ZIC2: variants seen among roughly 807,000 people sequenced by gnomAD.
The protein encoded by ZIC2 is zinc finger protein ZIC 2.
In ZIC2, 7 loss-of-function variants were observed where a neutral mutation model predicts 29.5. The observed-to-expected ratio is 0.24, with a 90% CI of 0.14 to 0.45. ZIC2 has a LOEUF of 0.45. Ranked by LOEUF, ZIC2 falls within the 20% of genes least tolerant of loss-of-function variation. The pLI, the probability that ZIC2 is intolerant of heterozygous loss-of-function variation, is 1.00. For synonymous variants in ZIC2, 408 were observed against 354.2 expected (o/e 1.15, Z -1.70); for missense variants, 589 against 781.2 (o/e 0.75, Z 2.93).
In ZIC2 at chr13:99,982,015, G is replaced by T. The variant is rs958357772; in HGVS notation, c.-50G>T. 1.6e-6 allele frequency: 2 copies of T among 1,213,594 alleles called. No individual in the cohort carries two copies. The highest frequency in any genetic ancestry group is 2.0e-6 in the Non-Finnish European group (2 of 977,824). 75.2% of individuals were successfully genotyped at this position (1,213,594 alleles called of 1,614,324 possible). On this transcript the variant is annotated 5_prime_UTR_variant, in exon 1 of 3. Transcript: ENST00000376335. The stretch of plus-strand genomic sequence containing the variant: ...ACCGCGCGGATCGGGAGCGGGAGTC[G>T]AGGCGGCGCGGAGGCGCAGGGCTCG...
In ZIC2 at chr13:99,985,612, C is replaced by T; in HGVS notation, c.1529C>T (p.Ser510Phe). Residue 510 changes from serine to phenylalanine, a missense_variant, in exon 3 of 3, where the codon TCT becomes TTT. Physicochemically the swap from Ser to Phe is radical, Grantham distance 155. Around this residue, in one of 7 missense-constraint regions of ZIC2, gnomAD observed 135 missense variants for 136.7 expected, o/e 0.99. Coordinates refer to ENST00000376335, the MANE Select transcript of ZIC2 (RefSeq NM_007129.5). The surrounding 1 kb of genome is among the most constrained non-coding windows in gnomAD (Gnocchi z 6.3). ...GGAGGGGGGS[S>F]GGGSGTAGGH... ...GCGGGCGGCGGGGGCGGCGGCAGCT[C>T]TGGCGGGGGCAGCGGGACAGCCGGG... is the stretch of plus-strand genomic sequence containing the variant. The T allele has an allele frequency of 1.8e-6, 2 of 1,102,478 alleles. No homozygotes were observed. Among genetic ancestry groups the T allele is most frequent in the Non-Finnish European group, 2.2e-6 (2 of 892,974 alleles). The allele number at this position is 1,102,478 out of a possible 1,614,324, so 68.3% of individuals were successfully genotyped here.
In ZIC2 at chr13:99,985,333, C is replaced by T. The variant is rs1387489409; in HGVS notation, c.1250C>T (p.Ser417Phe). 3.8e-6 allele frequency: 6 copies of T among 1,598,236 alleles called. No individual in the cohort carries two copies. Among genetic ancestry groups the T allele is most frequent in the Non-Finnish European group, 5.1e-6 (6 of 1,179,398 alleles). Reference protein sequence around the residue: ...SLRKHMKVHESSPQGSESSPA... With the variant: ...SLRKHMKVHEFSPQGSESSPA... Reference sequence around the variant, plus strand: ...GCTTTTGTCTTGCAGGTCCATGAGTCCTCCCCGCAGGGCTCTGAATCCTCC... The same window carrying T: ...GCTTTTGTCTTGCAGGTCCATGAGTTCTCCCCGCAGGGCTCTGAATCCTCC... The change falls in exon 3 of 3, where the codon TCC becomes TTC. Residue 417 changes from serine to phenylalanine, a missense_variant. Coordinates refer to ENST00000376335, the MANE Select transcript of ZIC2 (RefSeq NM_007129.5). This position sits in a 1 kb window ranked among gnomAD's most constrained non-coding sequence, Gnocchi z 6.3.
chr13:99,985,454 G>A lies in ZIC2; in HGVS notation c.1371G>A (p.Ala457=), dbSNP rs777660719. The A allele has an allele frequency of 1.4e-5, 19 of 1,387,778 alleles. No homozygotes were observed. Among genetic ancestry groups the A allele is most frequent in the South Asian group, 3.8e-5 (2 of 52,302 alleles). The allele number at this position is 1,387,778 out of a possible 1,614,324, so 86.0% of individuals were successfully genotyped here. Residue 457 remains alanine, a synonymous_variant, in exon 3 of 3, where the codon GCG becomes GCA. Coordinates refer to ENST00000376335, the MANE Select transcript of ZIC2 (RefSeq NM_007129.5). This position sits in a 1 kb window ranked among gnomAD's most constrained non-coding sequence, Gnocchi z 6.3. ...GCAGCTCCAACCTGTCCCCAGCGGC[G>A]GCGGCAGCGGCGGCGGCGGCTGCGG... The part of the protein sequence containing the change: ...PQSSSNLSPA[A]AAAAAAAAAA...
At chr13:99,984,621 CG>C (rs2053253895) in intron 1 of ZIC2, 1 of 389,166 alleles carries the variant, frequency 2.6e-6, no homozygotes, top group African/African-American at 2.1e-5. Flanking sequence ...TTCTCCGTGG[CG>C]AGAGCAACTT....
At position 99,982,395 on chromosome 13, in the gene ZIC2, C is replaced by T; in HGVS notation, c.331C>T (p.Pro111Ser). The change falls in exon 1 of 3, where the codon CCG becomes TCG. Residue 111 changes from proline to serine, a missense_variant. Around this residue, in one of 7 missense-constraint regions of ZIC2, gnomAD observed 358 missense variants for 382.0 expected, o/e 0.94. Coordinates refer to ENST00000376335, the MANE Select transcript of ZIC2 (RefSeq NM_007129.5). ...HAAHVGSYSG[P>S]PFNSTRDFLF... ...CGCGCACGTTGGCTCCTACTCTGGG[C>T]CGCCCTTCAACTCCACCCGGGACTT... The T allele has an allele frequency of 6.8e-7, 1 of 1,479,192 alleles. No individual in the cohort carries two copies. Among genetic ancestry groups the T allele is most frequent in the Non-Finnish European group, 8.9e-7 (1 of 1,117,968 alleles). 91.6% of individuals were successfully genotyped at this position (1,479,192 alleles called of 1,614,324 possible).
Position 99,982,346 on chromosome 13 carries a change from G to GGCA in ZIC2, c.284_285insAGC (p.Ala97dup). On this transcript the variant is annotated inframe_insertion, in exon 1 of 3. Transcript: ENST00000376335. ...CCGGCTCCGCTGCGGCTGCCGCTGC[G>GGCA]GCCGCAGCGCTCGGGCCCCACGCCG... The GGCA allele has an allele frequency of 6.8e-7, 1 of 1,466,158 alleles. No homozygotes were observed. Among genetic ancestry groups the GGCA allele is most frequent in the Non-Finnish European group, 9.0e-7 (1 of 1,111,574 alleles). 90.8% of individuals were successfully genotyped at this position (1,466,158 alleles called of 1,614,324 possible).
chr13:99,981,829 G>T lies in ZIC2; in HGVS notation c.-236G>T, dbSNP rs2053233968. 1.3e-6 allele frequency: 1 copy of T among 766,966 alleles called. No homozygotes were observed. The highest frequency in any genetic ancestry group is 1.9e-6 in the Non-Finnish European group (1 of 524,108). 47.5% of individuals were successfully genotyped at this position (766,966 alleles called of 1,614,324 possible). Reference sequence around the variant, plus strand: ...CTCCTCCTCCTCCTCCCGCGCCGCCGCCTCCTCCTCCTCTTCCTCTCCGCG... The same window carrying T: ...CTCCTCCTCCTCCTCCCGCGCCGCCTCCTCCTCCTCCTCTTCCTCTCCGCG... On this transcript the variant is annotated 5_prime_UTR_variant, in exon 1 of 3. Coordinates refer to ENST00000376335, the MANE Select transcript of ZIC2 (RefSeq NM_007129.5).
At position 99,981,883 on chromosome 13, in the gene ZIC2, C is replaced by T; in HGVS notation, c.-182C>T. 1 of 1,210,948 alleles carries T rather than the reference C, an allele frequency of 8.3e-7. No homozygotes were observed. Among genetic ancestry groups the T allele is most frequent in the Non-Finnish European group, 1.1e-6 (1 of 935,342 alleles). The allele number at this position is 1,210,948 out of a possible 1,614,324, so 75.0% of individuals were successfully genotyped here. On this transcript the variant is annotated 5_prime_UTR_variant, in exon 1 of 3. Transcript: ENST00000376335. ...TCGCTACGCGCCCGGCCGCCCGAGG[C>T]AGATCCAGGCGGCGGCGGAGGCGGC...
At position 99,981,786 on chromosome 13, in the gene ZIC2, A is replaced by T. The variant is rs1327617997; in HGVS notation, c.-279A>T. The T allele has an allele frequency of 2.0e-6, 1 of 497,062 alleles. No homozygotes were observed. The highest frequency in any genetic ancestry group is 3.3e-6 in the Non-Finnish European group (1 of 303,480). The allele number at this position is 497,062 out of a possible 1,614,324, so 30.8% of individuals were successfully genotyped here. ...ACTTTGGTTCTCCGCCTGGCTTTGG[A>T]CTCTTCTCCTCCTCCACCTCCTCCT... On this transcript the variant is annotated 5_prime_UTR_variant, in exon 1 of 3. Transcript: ENST00000376335.
chr13:99,985,230 T>A lies in ZIC2; in HGVS notation c.1240-93T>A. On this transcript the variant is annotated intron_variant, in intron 2 of 2. Coordinates refer to ENST00000376335, the MANE Select transcript of ZIC2 (RefSeq NM_007129.5). This position sits in a 1 kb window ranked among gnomAD's most constrained non-coding sequence, Gnocchi z 6.3. ...GGGCCAGGGCGGCGGGGGGAACATT[T>A]CTGGGGGTGCTCTCCCCCAGGGGCC... The A allele has an allele frequency of 6.2e-7, 1 of 1,602,852 alleles. No homozygotes were observed. Among genetic ancestry groups the A allele is most frequent in the Non-Finnish European group, 8.5e-7 (1 of 1,175,904 alleles).
In ZIC2 at chr13:99,982,171, A is replaced by C. The variant is rs1185333947; in HGVS notation, c.107A>C (p.Gln36Pro). Residue 36 changes from glutamine to proline, a missense_variant, in exon 1 of 3, where the codon CAG (glutamine) becomes CCG (proline). Transcript: ENST00000376335. Reference sequence around the variant, plus strand: ...GCGGCGGCGGCTGCCGCCGAGATGCAGGACCGTGAACTGAGCCTGGCGGCG... The same window carrying C: ...GCGGCGGCGGCTGCCGCCGAGATGCCGGACCGTGAACTGAGCCTGGCGGCG... The part of the protein sequence containing the change: ...AAAAAAAAEM[Q>P]DRELSLAAAQ... 7.6e-6 allele frequency: 11 copies of C among 1,437,970 alleles called. No individual in the cohort carries two copies. The highest frequency in any genetic ancestry group is 1.5e-5 in the African/African-American group (1 of 66,932). 89.1% of individuals were successfully genotyped at this position (1,437,970 alleles called of 1,614,324 possible). A position where few individuals can be genotyped will look rare whatever the true frequency, so the allele number is the denominator to read the frequency against.
rs746657087 is a variant in ZIC2, at chr13:99,982,741, C to T, written c.677C>T (p.Ala226Val). The T allele has an allele frequency of 6.2e-7, 1 of 1,601,904 alleles. No individual in the cohort carries two copies. Among genetic ancestry groups the T allele is most frequent in the Non-Finnish European group, 8.5e-7 (1 of 1,179,854 alleles). Reference protein sequence around the residue: ...PMNMNMGMNMAAAAAHHHHHH... With the variant: ...PMNMNMGMNMVAAAAHHHHHH... Reference sequence around the variant, plus strand: ...AATATGAACATGGGTATGAACATGGCAGCAGCCGCGGCCCACCACCACCAC... The same window carrying T: ...AATATGAACATGGGTATGAACATGGTAGCAGCCGCGGCCCACCACCACCAC... Residue 226 changes from alanine (A) to valine (V), a missense_variant, in exon 1 of 3, where the codon GCA (alanine) becomes GTA (valine). By Grantham distance (64) the Ala-to-Val change is moderately conservative. Around this residue, in one of 7 missense-constraint regions of ZIC2, gnomAD observed 358 missense variants for 382.0 expected, o/e 0.94. Coordinates refer to ENST00000376335, the MANE Select transcript of ZIC2 (RefSeq NM_007129.5).
Position 99,982,895 on chromosome 13 carries a change from C to A in ZIC2, c.831C>A (p.Phe277Leu). 1 of 1,613,796 alleles carries A rather than the reference C, an allele frequency of 6.2e-7. No homozygotes were observed. The highest frequency in any genetic ancestry group is 1.3e-5 in the African/African-American group (1 of 75,006). ...SNPKKSCNKT[F>L]STMHELVTHV... ...CCAAGAAGAGCTGCAACAAAACTTT[C>A]AGCACCATGCACGAGCTGGTGACAC... is the stretch of plus-strand genomic sequence containing the variant. The change falls in exon 1 of 3, where the codon TTC (phenylalanine) becomes TTA (leucine). Residue 277 changes from phenylalanine to leucine, a missense_variant. Around this residue, in one of 7 missense-constraint regions of ZIC2, gnomAD observed 27 missense variants for 47.5 expected, o/e 0.57. Transcript: ENST00000376335.
rs1247366153 is a variant in ZIC2 at position 99,983,093 on chromosome 13, C to T, written c.1029C>T (p.Val343=). Residue 343 remains valine (V), a synonymous_variant, in exon 1 of 3, where the codon GTC becomes GTT. Transcript: ENST00000376335. This position sits in a 1 kb window ranked among gnomAD's most constrained non-coding sequence, Gnocchi z 4.7. ...GCCCCTTCCCGGGCTGTGGCAAAGT[C>T]TTCGCGCGCTCCGAGAACCTCAAGA... The part of the protein sequence containing the change: ...FPCPFPGCGK[V]FARSENLKIH... 6.2e-7 allele frequency: 1 copy of T among 1,613,512 alleles called. No individual in the cohort carries two copies. The highest frequency in any genetic ancestry group is 1.7e-5 in the Admixed American group (1 of 59,992).
In ZIC2 at chr13:99,985,483, C is replaced by T; in HGVS notation, c.1400C>T (p.Ala467Val). 3 of 1,259,512 alleles carry T rather than the reference C, an allele frequency of 2.4e-6. No homozygotes were observed. Among genetic ancestry groups the T allele is most frequent in the South Asian group, 2.9e-5 (1 of 34,996 alleles). The allele number at this position is 1,259,512 out of a possible 1,614,324, so 78.0% of individuals were successfully genotyped here. A position where few individuals can be genotyped will look rare whatever the true frequency, so the allele number is the denominator to read the frequency against. The change falls in exon 3 of 3, where the codon GCG becomes GTG. Residue 467 changes from alanine (A) to valine (V), a missense_variant. Transcript: ENST00000376335. This position sits in a 1 kb window ranked among gnomAD's most constrained non-coding sequence, Gnocchi z 6.3. ...GCAGCGGCGGCGGCGGCTGCGGCGGCGGCGGCCGCGGTGTCCGCGGTGCAC... is the reference window on the plus strand; with the variant it reads ...GCAGCGGCGGCGGCGGCTGCGGCGGTGGCGGCCGCGGTGTCCGCGGTGCAC... The part of the protein sequence containing the change: ...AAAAAAAAAA[A>V]AAAVSAVHRG...
rs776814065 is a variant in ZIC2, at chr13:99,983,050, G to A, written c.986G>A (p.Gly329Asp). The A allele has an allele frequency of 6.2e-7, 1 of 1,614,058 alleles. No homozygotes were observed. Residue 329 changes from glycine (G) to aspartate (D), a missense_variant, in exon 1 of 3, where the codon GGC (glycine) becomes GAC (aspartate). Physicochemically the swap from Gly to Asp is moderately conservative, Grantham distance 94. Coordinates refer to ENST00000376335, the MANE Select transcript of ZIC2 (RefSeq NM_007129.5). This position sits in a 1 kb window ranked among gnomAD's most constrained non-coding sequence, Gnocchi z 4.7. Reference protein sequence around the residue: ...KLVNHIRVHTGEKPFPCPFPG... With the variant: ...KLVNHIRVHTDEKPFPCPFPG... ...GTCAACCACATCCGCGTGCACACAG[G>A]CGAGAAACCCTTCCCCTGCCCCTTC...
In ZIC2 at chr13:99,985,490, C is replaced by G. The variant is rs1244807526; in HGVS notation, c.1407C>G (p.Ala469=). ...CGGCGGCGGCTGCGGCGGCGGCGGC[C>G]GCGGTGTCCGCGGTGCACCGGGGCG... ...AAAAAAAAAA[A]AVSAVHRGGG... The change falls in exon 3 of 3, where the codon GCC becomes GCG. Residue 469 remains alanine, a synonymous_variant. Coordinates refer to ENST00000376335, the MANE Select transcript of ZIC2 (RefSeq NM_007129.5). The surrounding 1 kb of genome is among the most constrained non-coding windows in gnomAD (Gnocchi z 6.3). The G allele has an allele frequency of 3.3e-6, 4 of 1,213,988 alleles. No individual in the cohort carries two copies. Among genetic ancestry groups the G allele is most frequent in the African/African-American group, 3.3e-5 (2 of 61,000 alleles). 75.2% of individuals were successfully genotyped at this position (1,213,988 alleles called of 1,614,324 possible).
rs777660719 is a variant in ZIC2 at position 99,985,454 on chromosome 13, G to T, written c.1371G>T (p.Ala457=). The stretch of plus-strand genomic sequence containing the variant: ...GCAGCTCCAACCTGTCCCCAGCGGC[G>T]GCGGCAGCGGCGGCGGCGGCTGCGG... ...PQSSSNLSPA[A]AAAAAAAAAA... is the part of the protein sequence containing the mutation. Residue 457 remains alanine (A), a synonymous_variant, in exon 3 of 3, where the codon GCG becomes GCT. Coordinates refer to ENST00000376335, the MANE Select transcript of ZIC2 (RefSeq NM_007129.5). The surrounding 1 kb of genome is among the most constrained non-coding windows in gnomAD (Gnocchi z 6.3). 1.2e-5 allele frequency: 16 copies of T among 1,387,886 alleles called. No individual in the cohort carries two copies. The highest frequency in any genetic ancestry group is 1.5e-5 in the Non-Finnish European group (16 of 1,079,304). 86.0% of individuals were successfully genotyped at this position (1,387,886 alleles called of 1,614,324 possible). A position where few individuals can be genotyped will look rare whatever the true frequency, so the allele number is the denominator to read the frequency against.
Position 99,983,389 on chromosome 13 carries a change from T to C in ZIC2, c.1075+250T>C, listed in dbSNP as rs1371883028. Among the ~76,000 whole-genome samples, 2 of 152,252 alleles carry C rather than the reference T, an allele frequency of 1.3e-5. No individual in the cohort carries two copies. The highest frequency in any genetic ancestry group is 2.9e-5 in the Non-Finnish European group (2 of 68,048). On this transcript the variant is annotated intron_variant, in intron 1 of 2. Coordinates refer to ENST00000376335, the MANE Select transcript of ZIC2 (RefSeq NM_007129.5). This position sits in a 1 kb window ranked among gnomAD's most constrained non-coding sequence, Gnocchi z 4.7. ...TCACATCAAATGTATGCTTGGGTCA[T>C]GCAATTGCTTCGTTTGCTCAGCCCC...
Sources: gnomAD v4.1 joint callset for allele counts (sites outside exome capture counted in the v4.1 genomes callset) on GRCh38, gnomAD v4.1.1 for gene constraint, gnomAD v4.1.1 regional missense constraint, Gnocchi (gnomAD v3.1) non-coding constraint, MANE v1.5 for transcripts, NCBI Gene and HGNC (gene_info 2026-07-23, HGNC 2026-07-21) for gene names.